UROS: variants seen among roughly 807,000 people sequenced by gnomAD.
UROS encodes the protein uroporphyrinogen-III synthase.
UROS carries 18 observed loss-of-function variants against 33.0 expected under a neutral mutation model. The observed-to-expected ratio is 0.55, with a 90% CI of 0.38 to 0.81. The LOEUF (loss-of-function observed/expected upper bound fraction) is 0.81. Among genes scored for constraint, UROS ranks in the 30% least tolerant of loss-of-function variants. UROS has a pLI of 0.00. For missense variants in UROS, 293 were observed against 314.9 expected (o/e 0.93, Z 0.53); for synonymous variants, 114 against 121.1 (o/e 0.94, Z 0.38).
At chr10:125,816,064 T>C (rs1853291559) in intron 3 of UROS, 113 bp downstream of exon 3, 1 of 1,099,558 alleles carries the variant, frequency 9.1e-7, no homozygotes, top group Non-Finnish European at 1.4e-6. Context: ...TATGCTGCCA[T>C]GTTTTAAAGT....
intron 6 of UROS, among the ~76,000 whole-genome samples, chr10:125,804,424 A>G (rs1852132633): frequency 6.6e-6 from 1 of 152,130 alleles, no homozygotes; most frequent in Admixed American, 6.5e-5. Context: ...TGTCCTTGTT[A>G]TCTCCTTTAT....
At chr10:125,806,769 C>T (rs1006665163) in intron 6 of UROS, among the ~76,000 whole-genome samples, 1 of 152,210 alleles carries the variant, frequency 6.6e-6, no homozygotes, top group Non-Finnish European at 1.5e-5. Context: ...TGCGGTTGTA[C>T]TGGACATTCA....
At position 125,795,205 on chromosome 10, in the gene UROS, G is replaced by T. The variant is rs180706666; in HGVS notation, c.562-227C>A. ...CATCAGAAAGCTGGTGCTGCCCCAGGTCTGTGTCTGCCTGGCCAGAGGACA... is the reference window on the plus strand; with the variant it reads ...CATCAGAAAGCTGGTGCTGCCCCAGTTCTGTGTCTGCCTGGCCAGAGGACA... On this transcript the variant is annotated intron_variant, in intron 8 of 9. Transcript: ENST00000368797. The T allele has an allele frequency of 5.7e-4, 331 of 576,356 alleles. 2 individuals carry two copies. The highest frequency in any genetic ancestry group is 1.2e-4 in the Non-Finnish European group (39 of 318,768). 35.7% of individuals were successfully genotyped at this position (576,356 alleles called of 1,614,324 possible). A position where few individuals can be genotyped will look rare whatever the true frequency, so the allele number is the denominator to read the frequency against.
rs1316986400 is a variant in UROS, at chr10:125,812,304, T to C, written c.245-16A>G. 6.2e-7 allele frequency: 1 copy of C among 1,612,510 alleles called. No homozygotes were observed. Among genetic ancestry groups the C allele is most frequent in the East Asian group, 2.2e-5 (1 of 44,856 alleles). On this transcript the variant is annotated splice_polypyrimidine_tract_variant and intron_variant, in intron 4 of 9. Transcript: ENST00000368797. The stretch of plus-strand genomic sequence containing the variant: ...CTTTCCCAGACTGTAAAACATGAAA[T>C]GATATGTGAATTGCAAATACCAAAG...
chr10:125,808,122 T>C (rs1431973421), intron 5 of UROS, among the ~76,000 whole-genome samples: 1 of 152,208 alleles, frequency 6.6e-6, no homozygotes, highest in Non-Finnish European at 1.5e-5. Context: ...AGTAAGAAGC[T>C]AACAGACTCA....
chr10:125,816,099 A>C, intron 3 of UROS, 78 bp downstream of exon 3: 1 of 1,361,040 alleles, frequency 7.3e-7, no homozygotes, highest in Non-Finnish European at 1.1e-6. Flanking sequence ...AGAAGACAGT[A>C]AAATAGTCCC....
intron 5 of UROS, among the ~76,000 whole-genome samples, chr10:125,809,332 A>G (rs1487700532): frequency 6.6e-6 from 1 of 152,256 alleles, no homozygotes; most frequent in Non-Finnish European, 1.5e-5. Context: ...GCCAAATGGA[A>G]GGCTTTCCTA....
chr10:125,816,616 A>G (rs879697094), intron 1 of UROS, 91 bp from the exon 2 acceptor site: 31 of 1,289,104 alleles, frequency 2.4e-5, no homozygotes, highest in Admixed American at 3.6e-5. Flanking sequence ...GAAGAAGGCA[A>G]TCAAATGCTT....
At chr10:125,822,561 G>T (rs1854056690) in intron 1 of UROS, among the ~76,000 whole-genome samples, 1 of 152,112 alleles carries the variant, frequency 6.6e-6, no homozygotes, top group Non-Finnish European at 1.5e-5. Flanking sequence ...GACCTCAAGT[G>T]ATCCACCCAT....
Position 125,816,284 on chromosome 10 carries a change from G to A in UROS, c.64-24C>T, listed in dbSNP as rs1230615381. 1.9e-6 allele frequency: 3 copies of A among 1,610,328 alleles called. No individual in the cohort carries two copies. In the African/African-American group the frequency reaches 4.0e-5, roughly 22 times the overall value. ...TCCTGAAATGAAAGAATATAGTTCT[G>A]GATTGGCTAGGGCTGTTTTTAAAAT... is the stretch of plus-strand genomic sequence containing the variant. On this transcript the variant is annotated intron_variant, in intron 2 of 9. Transcript: ENST00000368797.
chr10:125,816,588 G>C, intron 1 of UROS, 63 bp from the exon 2 acceptor site: 1 of 1,505,174 alleles, frequency 6.6e-7, no homozygotes, highest in South Asian at 1.1e-5. Context: ...AGCAATTTCC[G>C]ATGGGGACGG....
At chr10:125,802,778 C>T in intron 6 of UROS, 5 of 1,430,108 alleles carry the variant, frequency 3.5e-6, no homozygotes, top group Non-Finnish European at 4.6e-6. Flanking sequence ...ATGGCACGAA[C>T]TCCCAGCGGT....
At chr10:125,818,130 G>C (rs1853515731) in intron 1 of UROS, among the ~76,000 whole-genome samples, 1 of 152,150 alleles carries the variant, frequency 6.6e-6, no homozygotes, top group African/African-American at 2.4e-5. Flanking sequence ...GTCACTGAAA[G>C]CATTTGTCTT....
chr10:125,811,153 T>C (rs1852778907), intron 5 of UROS, among the ~76,000 whole-genome samples: 1 of 152,210 alleles, frequency 6.6e-6, no homozygotes, highest in African/African-American at 2.4e-5. Flanking sequence ...GCAAAATGCA[T>C]AGTGATGCTA....
Position 125,788,988 on chromosome 10 carries a change from G to A in UROS, c.678C>T (p.Pro226=), listed in dbSNP as rs369972241. Residue 226 remains proline (P), a synonymous_variant, in exon 10 of 10, where the codon CCC becomes CCT. Transcript: ENST00000368797. Reference sequence around the variant, plus strand: ...GGGCGGCCAGCGCGCGAGCCGTAGTGGGGCCGATGGCTGCAAACTATAAAG... The same window carrying A: ...GGGCGGCCAGCGCGCGAGCCGTAGTAGGGCCGATGGCTGCAAACTATAAAG... The part of the protein sequence containing the change: ...IDQIKFAAIG[P]TTARALAAQG... 12 of 1,612,826 alleles carry A rather than the reference G, an allele frequency of 7.4e-6. No homozygotes were observed. Among genetic ancestry groups the A allele is most frequent in the Non-Finnish European group, 8.5e-6 (10 of 1,179,998 alleles).
intron 6 of UROS, among the ~76,000 whole-genome samples, chr10:125,798,956 C>T (rs1851587414): frequency 6.6e-6 from 1 of 152,232 alleles, no homozygotes; most frequent in African/African-American, 2.4e-5. Context: ...TAGAACCAGC[C>T]ATTACCCCCC....
At chr10:125,807,881 T>C (rs189208117) in intron 5 of UROS, among the ~76,000 whole-genome samples, 1 of 152,252 alleles carries the variant, frequency 6.6e-6, no homozygotes, top group Admixed American at 6.5e-5. Flanking sequence ...TGATGGGCAT[T>C]TGGTACTTTT....
At chr10:125,802,706 T>C (rs2133871034) in intron 6 of UROS, 1 of 1,347,252 alleles carries the variant, frequency 7.4e-7, no homozygotes, top group Non-Finnish European at 9.6e-7. Context: ...TCATGAAACA[T>C]TCTAGAGAAA....
intron 8 of UROS, among the ~76,000 whole-genome samples, chr10:125,795,438 G>C (rs1379477344): frequency 6.6e-6 from 1 of 152,234 alleles, no homozygotes; most frequent in African/African-American, 2.4e-5. Flanking sequence ...TACCAGGCAA[G>C]ACATTCAGAA....
Sources: gnomAD v4.1 joint callset for allele counts (sites outside exome capture counted in the v4.1 genomes callset) on GRCh38, gnomAD v4.1.1 for gene constraint, MANE v1.5 for transcripts, NCBI Gene and HGNC (gene_info 2026-07-23, HGNC 2026-07-21) for gene names.